ADK: variants seen among roughly 807,000 people sequenced by gnomAD.
The protein encoded by ADK is N6,N6-dimethyladenosine kinase.
ADK carries 24 observed loss-of-function variants against 44.7 expected under a neutral mutation model. The observed-to-expected ratio is 0.54, with a 90% CI of 0.39 to 0.76. The LOEUF (loss-of-function observed/expected upper bound fraction) is 0.76. Among genes scored for constraint, ADK ranks in the 30% least tolerant of loss-of-function variants. The pLI is 0.00. For synonymous variants in ADK, 128 were observed against 142.6 expected (o/e 0.90, Z 0.73); for missense variants, 321 against 425.1 (o/e 0.76, Z 2.15).
At chr10:74,313,581 T>A (rs1479646295) in intron 3 of ADK, among the ~76,000 whole-genome samples, 1 of 152,032 alleles carries the variant, frequency 6.6e-6, no homozygotes, top group Non-Finnish European at 1.5e-5. Flanking sequence ...TCACATTATA[T>A]GCTTTAAAGG....
At chr10:74,449,106 G>A (rs553989882) in intron 6 of ADK, among the ~76,000 whole-genome samples, 9 of 152,332 alleles carry the variant, frequency 5.9e-5, no homozygotes, top group Middle Eastern at 3.4e-3. Flanking sequence ...CAAAACCATA[G>A]GGCAGGCAAC....
intron 8 of ADK, among the ~76,000 whole-genome samples, chr10:74,597,493 G>A (rs897990260): frequency 6.6e-6 from 1 of 151,980 alleles, no homozygotes; most frequent in African/African-American, 2.4e-5. Flanking sequence ...TATTTGTCAT[G>A]TCTCCTTAGT....
At chr10:74,174,944 T>A (rs1842280162) in intron 1 of ADK, among the ~76,000 whole-genome samples, 2 of 152,250 alleles carry the variant, frequency 1.3e-5, no homozygotes, top group African/African-American at 4.8e-5. Context: ...AACAGATTTG[T>A]ATAAACTGGC....
intron 3 of ADK, among the ~76,000 whole-genome samples, chr10:74,275,399 G>A (rs1846635792): frequency 6.6e-6 from 1 of 152,104 alleles, no homozygotes; most frequent in African/African-American, 2.4e-5. Context: ...CTTTGGGGGT[G>A]TGGTTTGAGA....
rs113564588 is a variant in ADK at position 74,651,090 on chromosome 10, T to G, written c.878-19093T>G. ...TAGGCATTTAGAATGATATTTGGGG[T>G]GGTGGTGGGGAAATGGAGGCATCAG... is the stretch of plus-strand genomic sequence containing the variant. On this transcript the variant is annotated intron_variant, in intron 9 of 10. Transcript: ENST00000539909. Among the ~76,000 whole-genome samples the G allele has an allele frequency of 2.3e-4, 35 of 152,078 alleles. 2 individuals are homozygous for G. Among genetic ancestry groups the G allele is most frequent in the African/African-American group, 7.0e-4 (29 of 41,470 alleles).
chr10:74,153,046 G>GAACT (rs1554823774), intron 1 of ADK, among the ~76,000 whole-genome samples: 109 of 152,120 alleles, frequency 7.2e-4, no homozygotes, highest in African/African-American at 2.2e-3. Context: ...TATTTACACT[G>GAACT]AATTTATGAT....
At chr10:74,563,686 A>T (rs1027444764) in intron 7 of ADK, among the ~76,000 whole-genome samples, 3 of 152,208 alleles carry the variant, frequency 2.0e-5, no homozygotes, top group African/African-American at 4.8e-5. Context: ...GTATAAATGC[A>T]TGTATACATA....
intron 3 of ADK, among the ~76,000 whole-genome samples, chr10:74,233,623 A>G (rs957824185): frequency 2.0e-5 from 3 of 152,230 alleles, no homozygotes; most frequent in African/African-American, 7.2e-5. Flanking sequence ...CCTTCTTGAC[A>G]TAGTTTAATA....
chr10:74,167,045 T>C (rs1234159419), intron 1 of ADK, among the ~76,000 whole-genome samples: 7 of 152,316 alleles, frequency 4.6e-5, no homozygotes, highest in African/African-American at 1.7e-4. Context: ...AAACGAGAAA[T>C]AGAATAAAAA....
intron 6 of ADK, among the ~76,000 whole-genome samples, chr10:74,474,793 G>A (rs900651171): frequency 1.3e-5 from 2 of 152,084 alleles, no homozygotes; most frequent in African/African-American, 4.8e-5. Flanking sequence ...CAAAGTGCTG[G>A]AATTACAGGC....
At chr10:74,490,754 C>G (rs1847451726) in intron 6 of ADK, among the ~76,000 whole-genome samples, 1 of 152,134 alleles carries the variant, frequency 6.6e-6, no homozygotes, top group Non-Finnish European at 1.5e-5. Flanking sequence ...GTCAGCTGAT[C>G]TTTGTCCTAA....
chr10:74,363,393 A>C (rs1284763675), intron 4 of ADK, among the ~76,000 whole-genome samples: 2 of 152,088 alleles, frequency 1.3e-5, no homozygotes, highest in Non-Finnish European at 1.5e-5. Context: ...AACTGCAGTG[A>C]GACGAGCCAA....
intron 7 of ADK, among the ~76,000 whole-genome samples, chr10:74,541,805 C>CCT (rs1491350769): frequency 1.5e-5 from 2 of 132,254 alleles, no homozygotes; most frequent in South Asian, 2.8e-4. Context: ...CCCCCCCCCC[C>CCT]TAAAAAAAAA....
At chr10:74,508,605 T>G (rs770040110) in intron 6 of ADK, among the ~76,000 whole-genome samples, 1 of 152,182 alleles carries the variant, frequency 6.6e-6, no homozygotes, top group Non-Finnish European at 1.5e-5. Flanking sequence ...GTAGACAGAT[T>G]AGCAAAAATT....
intron 6 of ADK, among the ~76,000 whole-genome samples, chr10:74,405,748 C>T (rs1000895327): frequency 2.0e-5 from 3 of 152,132 alleles, no homozygotes; most frequent in Non-Finnish European, 2.9e-5. Context: ...AAACTAGTCC[C>T]TGGTGCCAAA....
intron 3 of ADK, among the ~76,000 whole-genome samples, chr10:74,263,402 A>G (rs900161934): frequency 1.3e-5 from 2 of 152,212 alleles, no homozygotes; most frequent in Non-Finnish European, 2.9e-5. Flanking sequence ...CAAACTTGCT[A>G]GTGATGTTCT....
chr10:74,275,810 T>G (rs1846650540), intron 3 of ADK, among the ~76,000 whole-genome samples: 1 of 151,966 alleles, frequency 6.6e-6, no homozygotes, highest in Non-Finnish European at 1.5e-5. Context: ...CTGGGTAATT[T>G]TTGTATTTTT....
chr10:74,609,123 T>C (rs1178519018), intron 9 of ADK, among the ~76,000 whole-genome samples: 1 of 152,204 alleles, frequency 6.6e-6, no homozygotes, highest in African/African-American at 2.4e-5. Context: ...GACTTCAGAC[T>C]GCTGTGCTGG....
intron 3 of ADK, among the ~76,000 whole-genome samples, chr10:74,294,105 T>C (rs1839727300): frequency 6.6e-6 from 1 of 152,214 alleles, no homozygotes; most frequent in African/African-American, 2.4e-5. Flanking sequence ...AGCAGTGCTT[T>C]TGTTCATTTT....
Sources: gnomAD v4.1 joint callset for allele counts (sites outside exome capture counted in the v4.1 genomes callset) on GRCh38, gnomAD v4.1.1 for gene constraint, MANE v1.5 for transcripts, NCBI Gene and HGNC (gene_info 2026-07-23, HGNC 2026-07-21) for gene names.